Variants in TNPO2 observed in about 807,000 individuals in gnomAD.
The protein encoded by TNPO2 is transportin 2.
A neutral mutation model predicts 111.1 loss-of-function variants in TNPO2; 16 were observed. That is an observed-to-expected ratio of 0.14 (90% confidence interval 0.10 to 0.22). The LOEUF (loss-of-function observed/expected upper bound fraction) is 0.22. Ranked by LOEUF, TNPO2 falls within the 10% of genes least tolerant of loss-of-function variation. The probability of loss-of-function intolerance (pLI) is 1.00; values close to 1 mark genes in which losing one functional copy is unlikely to be tolerated. For synonymous variants in TNPO2, 481 were observed against 475.8 expected (o/e 1.01, Z -0.14); for missense variants, 530 against 1,173.7 (o/e 0.45, Z 8.01).
Position 12,700,406 on chromosome 19 carries a change from A to C in TNPO2, c.*858T>G, listed in dbSNP as rs1245328658. Reference sequence around the variant, plus strand: ...CTCTTCAGGAAAAAGGTCCCAACCCAGTGTCTTCAAAAGCCACTGGAGCAC... The same window carrying C: ...CTCTTCAGGAAAAAGGTCCCAACCCCGTGTCTTCAAAAGCCACTGGAGCAC... On this transcript the variant is annotated 3_prime_UTR_variant, in exon 26 of 26. Coordinates refer to ENST00000425528, the MANE Select transcript of TNPO2 (RefSeq NM_001382241.1). 6.6e-6 allele frequency: 1 copy of C among 152,268 alleles called. No homozygotes were observed. Among genetic ancestry groups the C allele is most frequent in the Non-Finnish European group, 1.5e-5 (1 of 68,094 alleles). The allele number at this position is 152,268 out of a possible 1,614,324, so 9.4% of individuals were successfully genotyped here.
In TNPO2 at chr19:12,721,157, G is replaced by A; in HGVS notation, c.-13-167C>T. On this transcript the variant is annotated intron_variant, in intron 2 of 25. Coordinates refer to ENST00000425528, the MANE Select transcript of TNPO2 (RefSeq NM_001382241.1). This position sits in a 1 kb window ranked among gnomAD's most constrained non-coding sequence, Gnocchi z 4.9. ...CAAGTGCGGGGTCCCCGCCAGCTGC[G>A]CCATCCTCGGCCGCGCAGTCGCGGG... 1 of 1,412,216 alleles carries A rather than the reference G, an allele frequency of 7.1e-7. No individual in the cohort carries two copies. The highest frequency in any genetic ancestry group is 9.2e-7 in the Non-Finnish European group (1 of 1,090,558). 87.5% of individuals were successfully genotyped at this position (1,412,216 alleles called of 1,614,324 possible).
intron 10 of TNPO2, among the ~76,000 whole-genome samples, chr19:12,712,351 C>T (rs1053059176): frequency 1.3e-5 from 2 of 152,084 alleles, no homozygotes; most frequent in African/African-American, 4.8e-5. Flanking sequence ...TCCCTTTCCC[C>T]GGGGGAGTTT....
rs771378574 is a variant in TNPO2, at chr19:12,719,022, C to T, written c.325+7G>A. ...CCTCAGAGGCCAACCCCCGCTGCCC[C>T]TCTCACCAATGGTGGCTCGGATGAG... is the stretch of plus-strand genomic sequence containing the variant. On this transcript the variant is annotated splice_region_variant and intron_variant, in intron 5 of 25. Transcript: ENST00000425528. This position sits in a 1 kb window ranked among gnomAD's most constrained non-coding sequence, Gnocchi z 5.0. 2 of 1,613,308 alleles carry T rather than the reference C, an allele frequency of 1.2e-6. No individual in the cohort carries two copies. The highest frequency in any genetic ancestry group is 2.2e-5 in the South Asian group (2 of 91,032).
At chr19:12,712,525 G>C (rs1021707435) in intron 10 of TNPO2, among the ~76,000 whole-genome samples, 24 of 152,172 alleles carry the variant, frequency 1.6e-4, no homozygotes, top group African/African-American at 5.8e-4. Flanking sequence ...CTGCCTTCCA[G>C]ATAGCAGTAG....
chr19:12,714,585 T>A (rs1398425998), intron 10 of TNPO2, among the ~76,000 whole-genome samples: 1 of 152,170 alleles, frequency 6.6e-6, no homozygotes, highest in African/African-American at 2.4e-5. Flanking sequence ...GTGCTAGGAT[T>A]ACAGGTGTCA....
Position 12,702,526 on chromosome 19 carries a change from C to A in TNPO2, c.2305+297G>T, listed in dbSNP as rs2025383666. On this transcript the variant is annotated intron_variant, in intron 21 of 25. Transcript: ENST00000425528. This position sits in a 1 kb window ranked among gnomAD's most constrained non-coding sequence, Gnocchi z 5.5. ...GGATTGCAGGCACGTGCCATTACCC[C>A]CGGCTAATTTTTGTATTTTTTAGTA... 1.9e-6 allele frequency: 1 copy of A among 517,602 alleles called. No homozygotes were observed. Among genetic ancestry groups the A allele is most frequent in the Non-Finnish European group, 3.5e-6 (1 of 286,568 alleles). 32.1% of individuals were successfully genotyped at this position (517,602 alleles called of 1,614,324 possible).
chr19:12,711,738 A>G, intron 10 of TNPO2, 125 bp from the exon 11 acceptor site: 2 of 740,824 alleles, frequency 2.7e-6, no homozygotes, highest in Non-Finnish European at 4.6e-6. Context: ...GCCACAGAGC[A>G]GACCCTGCAG....
rs769594583 is a variant in TNPO2, at chr19:12,715,362, C to T, written c.567-38G>A. The T allele has an allele frequency of 4.3e-6, 7 of 1,613,866 alleles. No homozygotes were observed. Among genetic ancestry groups the T allele is most frequent in the Admixed American group, 1.7e-5 (1 of 60,008 alleles). On this transcript the variant is annotated intron_variant, in intron 7 of 25. Transcript: ENST00000425528. This position sits in a 1 kb window ranked among gnomAD's most constrained non-coding sequence, Gnocchi z 7.1. ...AGACACGTGGGTCACCCTGACCCTGCCCACTCCAGGCTCCCTGGAAGCCCC... is the reference window on the plus strand; with the variant it reads ...AGACACGTGGGTCACCCTGACCCTGTCCACTCCAGGCTCCCTGGAAGCCCC...
rs6511837 is a variant in TNPO2, at chr19:12,718,883, G to A, written c.325+146C>T. 0.037 allele frequency: 41,357 copies of A among 1,122,224 alleles called. 5,638 individuals are homozygous for A. The African/African-American group carries it at 0.41, about 11-fold the overall frequency. 69.5% of individuals were successfully genotyped at this position (1,122,224 alleles called of 1,614,324 possible). On this transcript the variant is annotated intron_variant, in intron 5 of 25. Coordinates refer to ENST00000425528, the MANE Select transcript of TNPO2 (RefSeq NM_001382241.1). ...CAGACAGGTCCCTTAATAGCTCAGC[G>A]CCTCAGCTTCCTCATCTATCAAATG...
chr19:12,708,740 G>A (rs1353417455), intron 13 of TNPO2, among the ~76,000 whole-genome samples: 1 of 151,994 alleles, frequency 6.6e-6, no homozygotes, highest in East Asian at 1.9e-4. Flanking sequence ...GTGCGGTGGT[G>A]GACACCTGTA....
At position 12,702,950 on chromosome 19, in the gene TNPO2, GC is replaced by G; in HGVS notation, c.2210-33del. ...GAGCACCCAGTCAGAGCCCTGCACA[GC>G]CCCCGCCACCCACAGGGGCCAGGGG... is the stretch of plus-strand genomic sequence containing the variant. On this transcript the variant is annotated intron_variant, in intron 20 of 25. Transcript: ENST00000425528. This position sits in a 1 kb window ranked among gnomAD's most constrained non-coding sequence, Gnocchi z 5.5. The G allele has an allele frequency of 6.2e-7, 1 of 1,601,558 alleles. No homozygotes were observed. Among genetic ancestry groups the G allele is most frequent in the South Asian group, 1.1e-5 (1 of 90,654 alleles).
chr19:12,707,157 C>G (rs928846192), intron 13 of TNPO2, among the ~76,000 whole-genome samples: 4 of 152,028 alleles, frequency 2.6e-5, no homozygotes, highest in Non-Finnish European at 5.9e-5. Context: ...GCCACAATGC[C>G]CGGGGAATTT....
chr19:12,709,153 A>G (rs1365323534), intron 13 of TNPO2, among the ~76,000 whole-genome samples: 1 of 152,108 alleles, frequency 6.6e-6, no homozygotes, highest in Non-Finnish European at 1.5e-5. Context: ...TGAGGTCAGG[A>G]GATAGAGACC....
At chr19:12,720,857 C>A (rs1390593170) in intron 3 of TNPO2, 22 bp downstream of exon 3, 7 of 1,572,828 alleles carry the variant, frequency 4.5e-6, no homozygotes, top group African/African-American at 1.4e-5. Context: ...GCTCCCCCAG[C>A]CCCGGAAGGA....
rs1463251965 is a variant in TNPO2 at position 12,719,663 on chromosome 19, T to C, written c.100-327A>G. On this transcript the variant is annotated intron_variant, in intron 3 of 25. Coordinates refer to ENST00000425528, the MANE Select transcript of TNPO2 (RefSeq NM_001382241.1). This position sits in a 1 kb window ranked among gnomAD's most constrained non-coding sequence, Gnocchi z 5.0. ...ATACAAAAAAATTATCCGGGCATGATGTGTGCGTGCCTCTATTCCCAACTA... is the reference window on the plus strand; with the variant it reads ...ATACAAAAAAATTATCCGGGCATGACGTGTGCGTGCCTCTATTCCCAACTA... Among the ~76,000 whole-genome samples, 2 of 151,992 alleles carry C rather than the reference T, an allele frequency of 1.3e-5. No homozygotes were observed. Among genetic ancestry groups the C allele is most frequent in the African/African-American group, 4.8e-5 (2 of 41,376 alleles).
chr19:12,706,073 G>T lies in TNPO2; in HGVS notation c.1668+123C>A. The T allele has an allele frequency of 8.9e-7, 1 of 1,120,024 alleles. No homozygotes were observed. The highest frequency in any genetic ancestry group is 1.5e-5 in the South Asian group (1 of 65,630). The allele number at this position is 1,120,024 out of a possible 1,614,324, so 69.4% of individuals were successfully genotyped here. A position where few individuals can be genotyped will look rare whatever the true frequency, so the allele number is the denominator to read the frequency against. ...GGGAGCAGGGCGAGGGCGGGGCCGG[G>T]TCTGTCTGTCTGCCTGTCGAGGTCA... On this transcript the variant is annotated intron_variant, in intron 15 of 25. Coordinates refer to ENST00000425528, the MANE Select transcript of TNPO2 (RefSeq NM_001382241.1). This position sits in a 1 kb window ranked among gnomAD's most constrained non-coding sequence, Gnocchi z 7.0.
chr19:12,704,059 T>C (rs763311598), intron 18 of TNPO2, among the ~76,000 whole-genome samples: 2 of 152,186 alleles, frequency 1.3e-5, no homozygotes, highest in African/African-American at 4.8e-5. Context: ...GTGCAAGTCC[T>C]TGATATAAAG....
At chr19:12,718,445 G>A (rs1320515787) in intron 5 of TNPO2, among the ~76,000 whole-genome samples, 1 of 152,176 alleles carries the variant, frequency 6.6e-6, no homozygotes, top group Non-Finnish European at 1.5e-5. Flanking sequence ...GATTACAGGT[G>A]TGAGCCACCA....
chr19:12,712,033 T>C (rs1482887933), intron 10 of TNPO2, among the ~76,000 whole-genome samples: 1 of 152,158 alleles, frequency 6.6e-6, no homozygotes, highest in African/African-American at 2.4e-5. Context: ...ATGAATATCA[T>C]TAATCATTAG....
Sources: allele counts gnomAD v4.1 joint callset (sites outside exome capture counted in the v4.1 genomes callset), GRCh38; gene constraint gnomAD v4.1.1; non-coding constraint Gnocchi (gnomAD v3.1); transcripts MANE v1.5; gene names NCBI Gene and HGNC (gene_info 2026-07-23, HGNC 2026-07-21).